Variants in ATXN7L1 observed in about 807,000 individuals in gnomAD.
ATXN7L1 encodes the protein ataxin-7-like protein 1.
Under a neutral mutation model 70.8 loss-of-function variants are expected in ATXN7L1, and 15 were observed. That is an observed-to-expected ratio of 0.21 (90% confidence interval 0.14 to 0.33). The LOEUF is 0.33. Among genes scored for constraint, ATXN7L1 ranks in the 10% least tolerant of loss-of-function variants. The probability of loss-of-function intolerance (pLI) is 1.00; values close to 1 mark genes in which losing one functional copy is unlikely to be tolerated. For synonymous variants in ATXN7L1, 440 were observed against 445.1 expected (o/e 0.99, Z 0.14); for missense variants, 975 against 1,097.1 (o/e 0.89, Z 1.57).
chr7:105,824,849 G>A (rs4727628), intron 2 of ATXN7L1, among the ~76,000 whole-genome samples: 87,452 of 150,782 alleles, frequency 0.58, 26,044 homozygotes, highest in East Asian at 0.95. Context: ...TGGTAGGCAG[G>A]GCTTGCAGTG....
intron 3 of ATXN7L1, among the ~76,000 whole-genome samples, chr7:105,765,400 A>G (rs558150196): frequency 6.6e-6 from 1 of 152,138 alleles, no homozygotes; most frequent in East Asian, 1.9e-4. Context: ...TCATTAACTC[A>G]TTTGATCCTT....
At chr7:105,706,943 G>GT (rs1793255992) in intron 3 of ATXN7L1, among the ~76,000 whole-genome samples, 1 of 152,192 alleles carries the variant, frequency 6.6e-6, no homozygotes, top group East Asian at 1.9e-4. Flanking sequence ...AAATAGTTAG[G>GT]TTTTCTTTGT....
At chr7:105,622,497 G>A (rs1167409061) in intron 8 of ATXN7L1, among the ~76,000 whole-genome samples, 1 of 152,202 alleles carries the variant, frequency 6.6e-6, no homozygotes, top group East Asian at 1.9e-4. Flanking sequence ...CACCGTGGCA[G>A]ACCCTACTGG....
chr7:105,859,683 A>G (rs1816269173), intron 2 of ATXN7L1, among the ~76,000 whole-genome samples: 1 of 152,142 alleles, frequency 6.6e-6, no homozygotes, highest in Non-Finnish European at 1.5e-5. Context: ...TAGATGGCAT[A>G]GCCTATTGCA....
At position 105,783,842 on chromosome 7, in the gene ATXN7L1, G is replaced by T. The variant is rs1803881623; in HGVS notation, c.355+4762C>A. Among the ~76,000 whole-genome samples, 4 of 152,230 alleles carry T rather than the reference G, an allele frequency of 2.6e-5. No individual in the cohort carries two copies. In the South Asian group the frequency reaches 8.3e-4, roughly 31 times the overall value. ...AGACCCCTAATTTGTAGCCAAGTCA[G>T]ACAGAAATGTGGGTAACCTGGGGAC... On this transcript the variant is annotated intron_variant, in intron 3 of 11. Coordinates refer to ENST00000419735, the MANE Select transcript of ATXN7L1 (RefSeq NM_020725.2).
At chr7:105,805,625 T>C (rs1807458796) in intron 2 of ATXN7L1, among the ~76,000 whole-genome samples, 1 of 152,026 alleles carries the variant, frequency 6.6e-6, no homozygotes, top group African/African-American at 2.4e-5. Context: ...ACTTGGCAAG[T>C]GATAAATAGG....
At chr7:105,871,574 G>A (rs1409135336) in intron 2 of ATXN7L1, among the ~76,000 whole-genome samples, 1 of 152,108 alleles carries the variant, frequency 6.6e-6, no homozygotes, top group African/African-American at 2.4e-5. Context: ...GCCGGGCGTG[G>A]TGGCGCATGC....
chr7:105,662,087 T>TTCCTTC (rs1562967799), intron 4 of ATXN7L1, among the ~76,000 whole-genome samples: 1 of 75,830 alleles, frequency 1.3e-5, no homozygotes, highest in Non-Finnish European at 2.9e-5. Flanking sequence ...TCCTTCTTTC[T>TTCCTTC]TTTCTTTTCT....
At chr7:105,643,241 A>G in intron 4 of ATXN7L1, 120 bp from the exon 5 acceptor site, 2 of 1,184,278 alleles carry the variant, frequency 1.7e-6, no homozygotes, top group Non-Finnish European at 2.3e-6. Flanking sequence ...TACTCCTTCT[A>G]TAAGCAAGCA....
At chr7:105,660,576 CTTTTTTT>C (rs34008024) in intron 4 of ATXN7L1, among the ~76,000 whole-genome samples, 2 of 78,140 alleles carry the variant, frequency 2.6e-5, no homozygotes, top group Non-Finnish European at 4.5e-5. Flanking sequence ...CGGAAGTGAC[CTTTTTTT>C]TTTTTTTTTT....
At chr7:105,748,584 G>A (rs1189940319) in intron 3 of ATXN7L1, among the ~76,000 whole-genome samples, 1 of 152,206 alleles carries the variant, frequency 6.6e-6, no homozygotes, top group Non-Finnish European at 1.5e-5. Flanking sequence ...CCTCCTGCCA[G>A]TGACACAGTT....
chr7:105,687,386 G>C (rs888638414), intron 3 of ATXN7L1, among the ~76,000 whole-genome samples: 8 of 152,222 alleles, frequency 5.3e-5, no homozygotes, highest in African/African-American at 1.9e-4. Flanking sequence ...AGTCTTTGAA[G>C]AGGTGACTAA....
chr7:105,741,726 T>C (rs894608500), intron 3 of ATXN7L1, among the ~76,000 whole-genome samples: 3 of 152,168 alleles, frequency 2.0e-5, no homozygotes, highest in Non-Finnish European at 4.4e-5. Flanking sequence ...TCTTTGCAAA[T>C]GACCAAATTA....
chr7:105,652,511 G>A (rs192612993), intron 4 of ATXN7L1, among the ~76,000 whole-genome samples: 1 of 152,182 alleles, frequency 6.6e-6, no homozygotes, highest in East Asian at 1.9e-4. Context: ...GGAGCAACAA[G>A]CGGGAGCACT....
chr7:105,773,921 G>A (rs1802368427), intron 3 of ATXN7L1, among the ~76,000 whole-genome samples: 1 of 152,180 alleles, frequency 6.6e-6, no homozygotes, highest in African/African-American at 2.4e-5. Flanking sequence ...CAGCCTGCAT[G>A]TGGGGCACCG....
chr7:105,699,552 G>A (rs905691190), intron 3 of ATXN7L1, among the ~76,000 whole-genome samples: 7 of 152,136 alleles, frequency 4.6e-5, no homozygotes, highest in South Asian at 4.1e-4. Flanking sequence ...TAGAGCCTAC[G>A]ACTGCAGCTG....
chr7:105,719,014 G>A (rs1794889613), intron 3 of ATXN7L1, among the ~76,000 whole-genome samples: 2 of 152,200 alleles, frequency 1.3e-5, no homozygotes, highest in Admixed American at 1.3e-4. Flanking sequence ...GTTACATCCT[G>A]ATTCCAGGAT....
intron 2 of ATXN7L1, among the ~76,000 whole-genome samples, chr7:105,872,224 C>T (rs1818378270): frequency 6.6e-6 from 1 of 152,148 alleles, no homozygotes; most frequent in South Asian, 2.1e-4. Flanking sequence ...GATCTCCTGA[C>T]CTCCTGATCC....
intron 3 of ATXN7L1, among the ~76,000 whole-genome samples, chr7:105,751,931 C>A (rs752886069): frequency 3.9e-5 from 6 of 152,214 alleles, no homozygotes; most frequent in Admixed American, 6.5e-5. Flanking sequence ...CTTCAAACAA[C>A]CATAATCTTG....
Sources: allele counts gnomAD v4.1 joint callset (sites outside exome capture counted in the v4.1 genomes callset), GRCh38; gene constraint gnomAD v4.1.1; transcripts MANE v1.5; gene names NCBI Gene and HGNC (gene_info 2026-07-23, HGNC 2026-07-21).